Variants in MYO1C observed in about 807,000 individuals in gnomAD.
MYO1C encodes the protein unconventional myosin-Ic.
MYO1C carries 104 observed loss-of-function variants against 150.8 expected under a neutral mutation model. The observed-to-expected ratio is 0.69, with a 90% CI of 0.59 to 0.81. MYO1C has a LOEUF of 0.81. Among genes scored for constraint, MYO1C ranks in the 30% least tolerant of loss-of-function variants. MYO1C has a pLI of 0.00. For missense variants in MYO1C, 1,504 were observed against 1,435.0 expected (o/e 1.05, Z -0.78); for synonymous variants, 663 against 579.9 (o/e 1.14, Z -2.06).
chr17:1,479,367 T>A lies in MYO1C; in HGVS notation c.1092+64A>T. The A allele has an allele frequency of 1.2e-6, 1 of 816,114 alleles. No individual in the cohort carries two copies. The highest frequency in any genetic ancestry group is 2.0e-6 in the Non-Finnish European group (1 of 487,866). 50.6% of individuals were successfully genotyped at this position (816,114 alleles called of 1,614,324 possible). A position where few individuals can be genotyped will look rare whatever the true frequency, so the allele number is the denominator to read the frequency against. On this transcript the variant is annotated intron_variant, in intron 9 of 31. Transcript: ENST00000648651. This position sits in a 1 kb window ranked among gnomAD's most constrained non-coding sequence, Gnocchi z 4.2. Reference sequence around the variant, plus strand: ...GAGGGAACCAGGCGAAGGGGAGTGATGGGAGTAGGGGCTGCCTTGGAACAG... The same window carrying A: ...GAGGGAACCAGGCGAAGGGGAGTGAAGGGAGTAGGGGCTGCCTTGGAACAG...
At position 1,470,286 on chromosome 17, in the gene MYO1C, G is replaced by A. The variant is rs377691339; in HGVS notation, c.2415C>T (p.Asn805=). 314 of 1,590,362 alleles carry A rather than the reference G, an allele frequency of 2.0e-4. No homozygotes were observed. The highest frequency in any genetic ancestry group is 2.5e-4 in the Non-Finnish European group (293 of 1,169,156). The change falls in exon 24 of 32, where the codon AAC becomes AAT. Residue 805 remains asparagine, a synonymous_variant. Coordinates refer to ENST00000648651, the MANE Select transcript of MYO1C (RefSeq NM_001080779.2). ...TGCGCACATGGTCCAGGAAGAAGGCGTTCTCGGGGCAGCGGGGGGCGTGGC... is the reference window on the plus strand; with the variant it reads ...TGCGCACATGGTCCAGGAAGAAGGCATTCTCGGGGCAGCGGGGGGCGTGGC... ...VLRHAPRCPE[N]AFFLDHVRTS... is the part of the protein sequence containing the mutation.
chr17:1,483,484 G>A, intron 3 of MYO1C, 126 bp downstream of exon 3: 1 of 714,848 alleles, frequency 1.4e-6, no homozygotes, highest in South Asian at 1.7e-5. Context: ...GGGGGCAAGA[G>A]ACTGTGGGAT....
Position 1,482,890 on chromosome 17 carries a change from G to C in MYO1C, c.517C>G (p.Arg173Gly). Residue 173 changes from arginine (R) to glycine (G), a missense_variant, in exon 4 of 32, where the codon CGG (arginine) becomes GGG (glycine). Arg to Gly is a moderately radical substitution (Grantham distance 125, BLOSUM62 -2). Transcript: ENST00000648651. ...APERGGAVRD[R>G]LLQSNPVLEA... ...AGCACCGGGTTGCTCTGTAGCAGCC[G>C]GTCCCGCACGGCACCTCCGCGCTCG... The C allele has an allele frequency of 1.4e-6, 2 of 1,415,608 alleles. No individual in the cohort carries two copies. The highest frequency in any genetic ancestry group is 1.2e-5 in the South Asian group (1 of 81,044). 87.7% of individuals were successfully genotyped at this position (1,415,608 alleles called of 1,614,324 possible). A position where few individuals can be genotyped will look rare whatever the true frequency, so the allele number is the denominator to read the frequency against.
chr17:1,465,717 G>C lies in MYO1C; in HGVS notation c.*9C>G. 1 of 1,326,186 alleles carries C rather than the reference G, an allele frequency of 7.5e-7. No homozygotes were observed. 82.2% of individuals were successfully genotyped at this position (1,326,186 alleles called of 1,614,324 possible). On this transcript the variant is annotated 3_prime_UTR_variant, in exon 32 of 32. Transcript: ENST00000648651. ...ATTGGGCGTTGGGAGGGTCCAGTGG[G>C]CGCCTTTATCACCGAGAATTCAGCC... is the stretch of plus-strand genomic sequence containing the variant.
chr17:1,478,822 G>T lies in MYO1C; in HGVS notation c.1093-87C>A. The stretch of plus-strand genomic sequence containing the variant: ...CCAGGCTCAGGCAGACCAGGAAGCC[G>T]CCACCACTCTGCACTCCCAGCTCCA... On this transcript the variant is annotated intron_variant, in intron 9 of 31. Transcript: ENST00000648651. The surrounding 1 kb of genome is among the most constrained non-coding windows in gnomAD (Gnocchi z 6.3). The T allele has an allele frequency of 6.3e-7, 1 of 1,586,940 alleles. No individual in the cohort carries two copies. Among genetic ancestry groups the T allele is most frequent in the Non-Finnish European group, 8.5e-7 (1 of 1,170,132 alleles).
rs781298078 is a variant in MYO1C at position 1,470,611 on chromosome 17, G to A, written c.2281+10C>T. The A allele has an allele frequency of 1.2e-6, 2 of 1,611,058 alleles. No homozygotes were observed. Among genetic ancestry groups the A allele is most frequent in the South Asian group, 2.2e-5 (2 of 90,632 alleles). ...CCCCGCCCCTCCTGAACACCCATGG[G>A]CCCGCGAACCTGATCTCTTCACCCG... On this transcript the variant is annotated intron_variant, in intron 22 of 31. Coordinates refer to ENST00000648651, the MANE Select transcript of MYO1C (RefSeq NM_001080779.2).
chr17:1,479,527 G>C lies in MYO1C; in HGVS notation c.1021-25C>G. On this transcript the variant is annotated intron_variant, in intron 8 of 31. Transcript: ENST00000648651. The surrounding 1 kb of genome is among the most constrained non-coding windows in gnomAD (Gnocchi z 4.2). ...GCTGCCAAGGGCAGGCGAGGACACGGTGAGGGTGCACCCCCAGCCCCCGCC... is the reference window on the plus strand; with the variant it reads ...GCTGCCAAGGGCAGGCGAGGACACGCTGAGGGTGCACCCCCAGCCCCCGCC... 1 of 1,509,360 alleles carries C rather than the reference G, an allele frequency of 6.6e-7. No individual in the cohort carries two copies. Among genetic ancestry groups the C allele is most frequent in the Non-Finnish European group, 9.0e-7 (1 of 1,106,164 alleles). 93.5% of individuals were successfully genotyped at this position (1,509,360 alleles called of 1,614,324 possible).
At chr17:1,474,410 A>G (rs1178450804) in intron 17 of MYO1C, among the ~76,000 whole-genome samples, 200 bp downstream of exon 17, 1 of 148,516 alleles carries the variant, frequency 6.7e-6, no homozygotes, top group African/African-American at 2.5e-5. Flanking sequence ...CCTGGGCAAC[A>G]GAGCGAGACC....
chr17:1,475,953 C>T (rs945165026), intron 14 of MYO1C, among the ~76,000 whole-genome samples: 1 of 151,956 alleles, frequency 6.6e-6, no homozygotes, highest in Admixed American at 6.6e-5. Context: ...CACAAGTTCT[C>T]GACTACGAAA....
At chr17:1,469,471 G>A in intron 25 of MYO1C, 60 bp downstream of exon 25, 1 of 1,447,546 alleles carries the variant, frequency 6.9e-7, no homozygotes. Flanking sequence ...CACCCTTTGA[G>A]CAATGCTTGC....
intron 29 of MYO1C, 32 bp downstream of exon 29, chr17:1,467,808 C>T (rs748861975): frequency 7.4e-7 from 1 of 1,347,844 alleles, no homozygotes; most frequent in South Asian, 1.2e-5. Context: ...TCCCCCATCC[C>T]CCACCACTCC....
At position 1,474,705 on chromosome 17, in the gene MYO1C, C is replaced by G. The variant is rs1421960175; in HGVS notation, c.1717-15G>C. ...CTACACATGGTCTGTGTGGGCAGAGCCGGGGTCAGGGTGGGGCACAGGGAC... is the reference window on the plus strand; with the variant it reads ...CTACACATGGTCTGTGTGGGCAGAGGCGGGGTCAGGGTGGGGCACAGGGAC... On this transcript the variant is annotated splice_polypyrimidine_tract_variant and intron_variant, in intron 16 of 31. Transcript: ENST00000648651. 1.2e-6 allele frequency: 2 copies of G among 1,613,854 alleles called. No homozygotes were observed. Among genetic ancestry groups the G allele is most frequent in the Non-Finnish European group, 1.7e-6 (2 of 1,179,902 alleles).
chr17:1,483,549 G>A (rs1399230367), intron 3 of MYO1C, 61 bp downstream of exon 3: 4 of 1,212,198 alleles, frequency 3.3e-6, no homozygotes, highest in Non-Finnish European at 4.8e-6. Context: ...GGTAAGGGTT[G>A]GGCGGGGTCA....
At chr17:1,474,506 G>A in intron 17 of MYO1C, 104 bp downstream of exon 17, 1 of 1,167,256 alleles carries the variant, frequency 8.6e-7, no homozygotes, top group Non-Finnish European at 1.3e-6. Context: ...ATGTGCACGG[G>A]CTCACACGCG....
chr17:1,485,074 C>T (rs1035726011), intron 1 of MYO1C: 4 of 1,241,974 alleles, frequency 3.2e-6, no homozygotes, highest in Non-Finnish European at 4.2e-6. Context: ...TCCCCAGGCA[C>T]CTCCTCCACT....
At chr17:1,486,492 C>T (rs1194806370) in intron 1 of MYO1C, among the ~76,000 whole-genome samples, 6 of 151,012 alleles carry the variant, frequency 4.0e-5, no homozygotes, top group African/African-American at 7.3e-5. Context: ...CCTCTGGGCC[C>T]GGACCTCCTC....
chr17:1,485,508 G>A lies in MYO1C; in HGVS notation c.76-1205C>T, dbSNP rs982180615. 63 of 585,318 alleles carry A rather than the reference G, an allele frequency of 1.1e-4. No homozygotes were observed. In the African/African-American group the frequency reaches 1.2e-3, roughly 11 times the overall value. The allele number at this position is 585,318 out of a possible 1,614,324, so 36.3% of individuals were successfully genotyped here. A position where few individuals can be genotyped will look rare whatever the true frequency, so the allele number is the denominator to read the frequency against. ...AGGCGTCCCCGGCGGCTCCTCATCC[G>A]GCCCCGGGTCCGAGCGTCCCGCGCC... On this transcript the variant is annotated intron_variant, in intron 1 of 31. Coordinates refer to ENST00000648651, the MANE Select transcript of MYO1C (RefSeq NM_001080779.2).
chr17:1,479,499 G>A lies in MYO1C; in HGVS notation c.1024C>T (p.Leu342Phe). 3.9e-6 allele frequency: 6 copies of A among 1,522,758 alleles called. No homozygotes were observed. Among genetic ancestry groups the A allele is most frequent in the Non-Finnish European group, 5.4e-6 (6 of 1,120,102 alleles). The allele number at this position is 1,522,758 out of a possible 1,614,324, so 94.3% of individuals were successfully genotyped here. The change falls in exon 9 of 32, where the codon CTC becomes TTC. Residue 342 changes from leucine to phenylalanine, a missense_variant. Physicochemically the swap from Leu to Phe is conservative, Grantham distance 22. Coordinates refer to ENST00000648651, the MANE Select transcript of MYO1C (RefSeq NM_001080779.2). The surrounding 1 kb of genome is among the most constrained non-coding windows in gnomAD (Gnocchi z 4.2). ...ENQLKYLTRL[L>F]SVEGSTLREA... ...CGCAGCGTCGAGCCTTCCACGCTGA[G>A]GAGCTGCCAAGGGCAGGCGAGGACA...
intron 26 of MYO1C, 40 bp downstream of exon 26, chr17:1,468,363 G>A: frequency 6.2e-7 from 1 of 1,613,356 alleles, no homozygotes; most frequent in Non-Finnish European, 8.5e-7. Flanking sequence ...GGACCAGGAT[G>A]GTGACGAAAG....
Sources: gnomAD v4.1 joint callset for allele counts (sites outside exome capture counted in the v4.1 genomes callset) on GRCh38, gnomAD v4.1.1 for gene constraint, Gnocchi (gnomAD v3.1) non-coding constraint, MANE v1.5 for transcripts, NCBI Gene and HGNC (gene_info 2026-07-23, HGNC 2026-07-21) for gene names.